Variants in CCDC171 observed in about 807,000 individuals in gnomAD.
CCDC171 encodes coiled-coil domain-containing protein 171.
In CCDC171, 177 loss-of-function variants were observed where a neutral mutation model predicts 168.2. That is an observed-to-expected ratio of 1.05 (90% CI 0.93 to 1.19). The LOEUF (loss-of-function observed/expected upper bound fraction) is 1.19. Among genes scored for constraint, CCDC171 ranks in the 50% most tolerant of loss-of-function variants. The pLI is 0.00. For missense variants in CCDC171, 1,991 were observed against 1,539.0 expected, an observed-to-expected ratio of 1.29 and a Z score of -4.91; for synonymous variants, 687 against 540.8, an observed-to-expected ratio of 1.27 and a Z score of -3.75.
intron 16 of CCDC171, among the ~76,000 whole-genome samples, chr9:15,743,858 C>T (rs2055069426): frequency 6.6e-6 from 1 of 152,138 alleles, no homozygotes; most frequent in South Asian, 2.1e-4. Context: ...GTCTTTTTTA[C>T]ATCTAGGAAA....
At chr9:16,076,871 T>C in the CCDC171 span, among the ~76,000 whole-genome samples, 1 of 152,236 alleles carries the variant, frequency 6.6e-6, no homozygotes, top group Admixed American at 6.5e-5. Context: ...CGGTATTTGA[T>C]GGACATTTCT....
At chr9:15,756,748 G>A (rs573119822) in intron 18 of CCDC171, among the ~76,000 whole-genome samples, 81 of 152,340 alleles carry the variant, frequency 5.3e-4, no homozygotes, top group African/African-American at 1.8e-3. Context: ...CCGGCATGTT[G>A]TGGGAGAGAC....
At chr9:15,627,107 G>C (rs139721385) in intron 7 of CCDC171, among the ~76,000 whole-genome samples, 1 of 152,274 alleles carries the variant, frequency 6.6e-6, no homozygotes, top group African/African-American at 2.4e-5. Flanking sequence ...TTTGCATAGA[G>C]GTGTTCATAG....
At chr9:15,565,164 C>A (rs779584783) in intron 2 of CCDC171, among the ~76,000 whole-genome samples, 14 of 150,578 alleles carry the variant, frequency 9.3e-5, no homozygotes, top group Non-Finnish European at 2.1e-4. Flanking sequence ...TCTTGGTTCC[C>A]TGCAACCTCC....
chr9:15,809,729 T>C (rs944904394), intron 21 of CCDC171, among the ~76,000 whole-genome samples: 49 of 152,262 alleles, frequency 3.2e-4, no homozygotes, highest in Admixed American at 2.3e-3. Flanking sequence ...ATAAAGGCAG[T>C]GCGGACCCAA....
upstream of CCDC171, among the ~76,000 whole-genome samples, chr9:16,042,019 T>C (rs1323302000): frequency 2.0e-5 from 3 of 152,260 alleles, no homozygotes; most frequent in Non-Finnish European, 4.4e-5. Flanking sequence ...ATTTTAGTTT[T>C]CTTTCAGAGA....
intron 18 of CCDC171, among the ~76,000 whole-genome samples, chr9:15,771,044 G>A (rs371916443): frequency 6.6e-6 from 1 of 151,998 alleles, no homozygotes; most frequent in Non-Finnish European, 1.5e-5. Context: ...ATCATTAATT[G>A]TATTTAGTTA....
intron 6 of CCDC171, among the ~76,000 whole-genome samples, chr9:15,607,917 G>A (rs1397433065): frequency 6.6e-6 from 1 of 152,154 alleles, no homozygotes; most frequent in Non-Finnish European, 1.5e-5. Flanking sequence ...AATATATGAA[G>A]CTGGTTAATT....
chr9:16,087,175 G>A, the CCDC171 span, among the ~76,000 whole-genome samples: 1 of 152,198 alleles, frequency 6.6e-6, no homozygotes, highest in Non-Finnish European at 1.5e-5. Context: ...TAGAATAAGT[G>A]TGATGTGGTG....
Position 15,944,871 on chromosome 9 carries a change from T to A in CCDC171, c.3753+24449T>A, listed in dbSNP as rs1003175506. ...TTCTTTCTTTCTTTCTTTCTTTCTT[T>A]CTTTCTTTCTTTCTTTTTTATCATT... On this transcript the variant is annotated intron_variant, in intron 25 of 25. Coordinates refer to ENST00000380701, the MANE Select transcript of CCDC171 (RefSeq NM_173550.4). Among the ~76,000 whole-genome samples, 107 of 151,278 alleles carry A rather than the reference T, an allele frequency of 7.1e-4. 1 individual carries two copies. The highest frequency in any genetic ancestry group is 2.4e-3 in the African/African-American group (98 of 41,158).
chr9:15,886,027 A>G (rs1037597500), intron 24 of CCDC171: 1 of 152,178 alleles, frequency 6.6e-6, no homozygotes, highest in Admixed American at 6.5e-5. Context: ...TAAACTTGGA[A>G]TTATCAAAAT....
At chr9:15,930,844 A>C (rs1826424466) in intron 25 of CCDC171, among the ~76,000 whole-genome samples, 1 of 151,694 alleles carries the variant, frequency 6.6e-6, no homozygotes, top group African/African-American at 2.4e-5. Context: ...GACACATTAT[A>C]ATTGCACATA....
At position 15,971,948 on chromosome 9, in the gene CCDC171, A is replaced by C; in HGVS notation, c.*112A>C. 1.1e-6 allele frequency: 1 copy of C among 914,012 alleles called. No homozygotes were observed. Among genetic ancestry groups the C allele is most frequent in the Non-Finnish European group, 1.7e-6 (1 of 590,308 alleles). The allele number at this position is 914,012 out of a possible 1,614,324, so 56.6% of individuals were successfully genotyped here. On this transcript the variant is annotated 3_prime_UTR_variant, in exon 26 of 26. Transcript: ENST00000380701. ...TTCAGCAGAAGTGGCAGTGGATTTA[A>C]AAAATTTGTGCGCTATCTTGATGTA...
intron 8 of CCDC171, among the ~76,000 whole-genome samples, chr9:15,664,598 G>A (rs1266058428): frequency 4.2e-5 from 1 of 23,578 alleles, no homozygotes; most frequent in Non-Finnish European, 9.2e-5. Flanking sequence ...ACTCACACGA[G>A]TTGTTTTGTA....
chr9:15,671,757 A>G (rs1005350692), intron 9 of CCDC171, among the ~76,000 whole-genome samples: 3 of 152,108 alleles, frequency 2.0e-5, no homozygotes, highest in African/African-American at 7.2e-5. Context: ...CCAGTCTATC[A>G]TTGATGGACA....
At chr9:15,613,102 A>G (rs529740484) in intron 6 of CCDC171, among the ~76,000 whole-genome samples, 4 of 152,278 alleles carry the variant, frequency 2.6e-5, no homozygotes, top group African/African-American at 9.6e-5. Context: ...GTCAAATAGT[A>G]ACTTTATGGT....
intron 20 of CCDC171, among the ~76,000 whole-genome samples, chr9:15,782,557 G>A (rs964799821): frequency 6.6e-6 from 1 of 152,136 alleles, no homozygotes; most frequent in African/African-American, 2.4e-5. Flanking sequence ...GCAAAATGGT[G>A]GGGATGTTGA....
chr9:15,888,944 CTTTTCTTTT>C (rs1354597231), intron 24 of CCDC171: 1 of 59,326 alleles, frequency 1.7e-5, no homozygotes, highest in African/African-American at 5.4e-5. Context: ...CCTCATTTTT[CTTTTCTTTT>C]TTTTTTTTTT....
At chr9:15,626,516 AGCAT>A (rs1225487931) in intron 7 of CCDC171, among the ~76,000 whole-genome samples, 1 of 152,192 alleles carries the variant, frequency 6.6e-6, no homozygotes, top group African/African-American at 2.4e-5. Context: ...GAGAGTTTTT[AGCAT>A]AAAGGGCTGT....
Sources: gnomAD v4.1 joint callset for allele counts (sites outside exome capture counted in the v4.1 genomes callset) on GRCh38, gnomAD v4.1.1 for gene constraint, MANE v1.5 for transcripts, NCBI Gene and HGNC (gene_info 2026-07-23, HGNC 2026-07-21) for gene names.